The following ESR1 variants were observed in gnomAD, a reference collection of about 807,000 sequenced individuals.
ESR1 encodes the protein estrogen receptor 1, also known as estrogen receptor.
In ESR1, 12 loss-of-function variants were observed where a neutral mutation model predicts 52.7. That is an observed-to-expected ratio of 0.23 (90% CI 0.15 to 0.37). The LOEUF (loss-of-function observed/expected upper bound fraction) is 0.37, where lower values mean the gene tolerates loss of function less well. Among genes scored for constraint, ESR1 ranks in the 10% least tolerant of loss-of-function variants. The probability of loss-of-function intolerance (pLI) is 1.00; values close to 1 mark genes in which losing one functional copy is unlikely to be tolerated. For missense variants in ESR1, 584 were observed against 779.7 expected (o/e 0.75, Z 2.99); for synonymous variants, 305 against 316.8 (o/e 0.96, Z 0.39).
chr6:151,972,779 C>T (rs191414709), intron 4 of ESR1, among the ~76,000 whole-genome samples: 59 of 152,130 alleles, frequency 3.9e-4, no homozygotes, highest in Middle Eastern at 3.4e-3. Context: ...CGCAATAGGC[C>T]GTCTGCAAGC....
intron 2 of ESR1, among the ~76,000 whole-genome samples, chr6:151,777,387 G>A (rs904431894): frequency 6.6e-6 from 1 of 152,002 alleles, no homozygotes; most frequent in Non-Finnish European, 1.5e-5. Context: ...CCAAAGTGCT[G>A]AGATTACAGG....
In ESR1 at chr6:151,935,488, G is replaced by C. The variant is rs144948667; in HGVS notation, c.761-8685G>C. ...AGGACAGCAGACTGAATTGTCCTAT[G>C]TCCAGACTTCACAGTCACAGGGAGC... On this transcript the variant is annotated intron_variant, in intron 3 of 7. Coordinates refer to ENST00000206249, the MANE Select transcript of ESR1 (RefSeq NM_000125.4). 7.4e-3 allele frequency among the ~76,000 whole-genome samples: 1,125 copies of C among 152,284 alleles called. 20 individuals carry two copies. Among genetic ancestry groups the C allele is most frequent in the African/African-American group, 0.025 (1,044 of 41,546 alleles).
chr6:151,994,183 C>G (rs148841035), intron 4 of ESR1, among the ~76,000 whole-genome samples: 324 of 152,232 alleles, frequency 2.1e-3, no homozygotes, highest in African/African-American at 7.5e-3. Context: ...TTGAATTTTA[C>G]ATGTTCCGTG....
intron 2 of ESR1, among the ~76,000 whole-genome samples, chr6:151,878,133 A>T (rs934061814): frequency 3.3e-5 from 5 of 152,178 alleles, no homozygotes; most frequent in African/African-American, 1.2e-4. Context: ...ATTTTTTGTT[A>T]AAAGCTGAAA....
At chr6:151,852,953 C>T (rs1412803065) in intron 2 of ESR1, among the ~76,000 whole-genome samples, 1 of 151,610 alleles carries the variant, frequency 6.6e-6, no homozygotes, top group Non-Finnish European at 1.5e-5. Context: ...GCAGGCAGAT[C>T]ATGAGGTCAA....
At chr6:152,116,608 T>A (rs1376689435) in intron 6 of ESR1, among the ~76,000 whole-genome samples, 3 of 152,174 alleles carry the variant, frequency 2.0e-5, no homozygotes, top group African/African-American at 4.8e-5. Flanking sequence ...GACTTTTTTT[T>A]AACAATTAGC....
chr6:151,928,232 TG>T (rs1221292250), intron 3 of ESR1, among the ~76,000 whole-genome samples: 14 of 152,218 alleles, frequency 9.2e-5, no homozygotes, highest in Non-Finnish European at 1.8e-4. Flanking sequence ...TTTTGACTTA[TG>T]TAATGCATCT....
chr6:151,702,755 C>T (rs1372139139), intron 2 of ESR1, among the ~76,000 whole-genome samples: 1 of 152,064 alleles, frequency 6.6e-6, no homozygotes, highest in African/African-American at 2.4e-5. Context: ...CTGTCAAGTC[C>T]ATTTCTCATT....
At chr6:151,927,879 G>C (rs2032997871) in intron 3 of ESR1, among the ~76,000 whole-genome samples, 1 of 103,642 alleles carries the variant, frequency 9.6e-6, no homozygotes, top group Admixed American at 9.1e-5. Context: ...CAATACACTT[G>C]GCTAATTTTT....
intron 2 of ESR1, among the ~76,000 whole-genome samples, chr6:151,783,380 T>G (rs1159712728): frequency 6.6e-6 from 1 of 152,196 alleles, no homozygotes; most frequent in Non-Finnish European, 1.5e-5. Context: ...GTTCCATTGG[T>G]ACATGCAGGG....
At chr6:152,092,618 G>T (rs570378961) in intron 6 of ESR1, among the ~76,000 whole-genome samples, 1 of 152,236 alleles carries the variant, frequency 6.6e-6, no homozygotes, top group South Asian at 2.1e-4. Flanking sequence ...CTGAATAGTG[G>T]TATGACCAAA....
intron 4 of ESR1, among the ~76,000 whole-genome samples, chr6:151,986,686 C>T (rs972771777): frequency 9.9e-5 from 15 of 152,100 alleles, no homozygotes; most frequent in African/African-American, 3.1e-4. Context: ...GCCATATTCT[C>T]TTCTGTGTCT....
At chr6:151,740,285 ATTTTTTTTT>A (rs386408967) in intron 2 of ESR1, among the ~76,000 whole-genome samples, 7 of 108,008 alleles carry the variant, frequency 6.5e-5, no homozygotes, top group African/African-American at 1.4e-4. Context: ...TGCCTGGCTA[ATTTTTTTTT>A]TTTTTTTTTT....
intron 4 of ESR1, among the ~76,000 whole-genome samples, chr6:152,005,510 TTTC>T (rs2042260891): frequency 2.0e-5 from 3 of 152,066 alleles, no homozygotes; most frequent in Non-Finnish European, 4.4e-5. Context: ...AAACAAAACA[TTTC>T]TCTTGGTGTT....
intron 6 of ESR1, among the ~76,000 whole-genome samples, chr6:152,082,936 A>G (rs2049354600): frequency 6.6e-6 from 1 of 152,232 alleles, no homozygotes; most frequent in African/African-American, 2.4e-5. Context: ...AAGGAGAACT[A>G]CAAACCACTG....
intron 6 of ESR1, among the ~76,000 whole-genome samples, chr6:152,075,322 G>A (rs988497437): frequency 1.3e-5 from 2 of 152,188 alleles, no homozygotes; most frequent in East Asian, 3.8e-4. Context: ...CACTGAACTA[G>A]ATGATCATCT....
At chr6:151,922,327 G>T (rs1296156764) in intron 3 of ESR1, among the ~76,000 whole-genome samples, 1 of 152,180 alleles carries the variant, frequency 6.6e-6, no homozygotes, top group Non-Finnish European at 1.5e-5. Flanking sequence ...ATGGATTAAA[G>T]ACTTAAGTGG....
intron 2 of ESR1, among the ~76,000 whole-genome samples, chr6:151,760,484 T>C (rs747439008): frequency 7.2e-5 from 11 of 152,228 alleles, no homozygotes; most frequent in Non-Finnish European, 1.6e-4. Flanking sequence ...TGTGTTTCCA[T>C]CTTGAGAGCC....
chr6:152,002,012 C>T (rs1354788702), intron 4 of ESR1, among the ~76,000 whole-genome samples: 1 of 151,950 alleles, frequency 6.6e-6, no homozygotes, highest in African/African-American at 2.4e-5. Flanking sequence ...TTGTCATATG[C>T]TTTGATGCTC....
Sources: gnomAD v4.1 joint callset for allele counts (sites outside exome capture counted in the v4.1 genomes callset) on GRCh38, gnomAD v4.1.1 for gene constraint, MANE v1.5 for transcripts, NCBI Gene and HGNC (gene_info 2026-07-23, HGNC 2026-07-21) for gene names.